The following ZNF521 variants were observed in gnomAD, a reference collection of about 807,000 sequenced individuals.
ZNF521 encodes LYST-interacting protein 3.
ZNF521 carries 14 observed loss-of-function variants against 105.5 expected under a neutral mutation model. That is an observed-to-expected ratio of 0.13 (90% CI 0.09 to 0.21). The LOEUF is 0.21. Among genes scored for constraint, ZNF521 ranks in the 10% least tolerant of loss-of-function variants. ZNF521 has a pLI of 1.00. For synonymous variants in ZNF521, 635 were observed against 606.0 expected (o/e 1.05, Z -0.70); for missense variants, 1,233 against 1,629.7 (o/e 0.76, Z 4.19).
intron 2 of ZNF521, among the ~76,000 whole-genome samples, chr18:25,342,062 T>C (rs1399764900): frequency 6.6e-6 from 1 of 152,106 alleles, no homozygotes; most frequent in African/African-American, 2.4e-5. Context: ...ACACAGCAAA[T>C]CAGAGTATGC....
At position 25,320,638 on chromosome 18, in the gene ZNF521, A is replaced by G. The variant is rs1341721210; in HGVS notation, c.220+1370T>C. 3.3e-5 allele frequency among the ~76,000 whole-genome samples: 5 copies of G among 152,244 alleles called. No individual in the cohort carries two copies. In the South Asian group the frequency reaches 8.3e-4, roughly 25 times the overall value. On this transcript the variant is annotated intron_variant, in intron 3 of 7. Transcript: ENST00000361524. ...ATAGGAGAGGGAAGAAGAGAATAAT[A>G]AAGTAAATGGAGAAAAATGTAAGCA...
intron 3 of ZNF521, among the ~76,000 whole-genome samples, chr18:25,319,266 A>C (rs1912805029): frequency 6.6e-6 from 1 of 152,212 alleles, no homozygotes; most frequent in African/African-American, 2.4e-5. Flanking sequence ...TAGGCTAACA[A>C]ATAGATAAAT....
At position 25,151,933 on chromosome 18, in the gene ZNF521, C is replaced by T. The variant is rs138709084; in HGVS notation, c.3658+43227G>A. 1.4e-4 allele frequency among the ~76,000 whole-genome samples: 22 copies of T among 152,254 alleles called. No homozygotes were observed. The East Asian group carries it at 2.7e-3, about 19-fold the overall frequency. On this transcript the variant is annotated intron_variant, in intron 5 of 7. Coordinates refer to ENST00000361524, the MANE Select transcript of ZNF521 (RefSeq NM_015461.3). ...CAAAGTCCAGTCCTTTCTTATGGAA[C>T]GGGGGTTGGCAGATCTCTTGATGCT... is the stretch of plus-strand genomic sequence containing the variant.
intron 5 of ZNF521, among the ~76,000 whole-genome samples, chr18:25,160,014 GA>G (rs944363612): frequency 3.3e-5 from 5 of 152,084 alleles, no homozygotes; most frequent in African/African-American, 1.2e-4. Context: ...AATGCTTAAG[GA>G]AATACTTTGG....
chr18:25,313,314 CT>C (rs1189817619), intron 3 of ZNF521, among the ~76,000 whole-genome samples: 1 of 151,684 alleles, frequency 6.6e-6, no homozygotes, highest in East Asian at 1.9e-4. Flanking sequence ...ATTTTGACAA[CT>C]GATTTTTAAA....
chr18:25,331,618 T>TA (rs1913570739), intron 2 of ZNF521, among the ~76,000 whole-genome samples: 1 of 152,210 alleles, frequency 6.6e-6, no homozygotes, highest in Non-Finnish European at 1.5e-5. Context: ...TACTAATACT[T>TA]ACACCAACTG....
At chr18:25,188,083 C>T (rs1455076704) in intron 5 of ZNF521, among the ~76,000 whole-genome samples, 1 of 152,110 alleles carries the variant, frequency 6.6e-6, no homozygotes, top group African/African-American at 2.4e-5. Flanking sequence ...GAAGAAATTT[C>T]ATGCTTGTCT....
At chr18:25,328,776 T>C (rs1161445294) in intron 2 of ZNF521, among the ~76,000 whole-genome samples, 1 of 152,046 alleles carries the variant, frequency 6.6e-6, no homozygotes, top group Non-Finnish European at 1.5e-5. Context: ...ATGGTCTCGA[T>C]CTTCTGACCT....
intron 5 of ZNF521, among the ~76,000 whole-genome samples, chr18:25,093,201 G>A (rs1237080823): frequency 6.6e-6 from 1 of 152,128 alleles, no homozygotes; most frequent in Non-Finnish European, 1.5e-5. Flanking sequence ...AACGCAGGCA[G>A]TCTAGATTCA....
intron 5 of ZNF521, among the ~76,000 whole-genome samples, chr18:25,187,019 A>G (rs1207336044): frequency 6.6e-6 from 1 of 152,138 alleles, no homozygotes; most frequent in Non-Finnish European, 1.5e-5. Context: ...TGTGTCTGAT[A>G]TGTACGTCTC....
chr18:25,184,050 AG>A (rs2035677850), intron 5 of ZNF521, among the ~76,000 whole-genome samples: 1 of 152,210 alleles, frequency 6.6e-6, no homozygotes, highest in Non-Finnish European at 1.5e-5. Context: ...CAGCTGATAC[AG>A]CACACATATT....
chr18:25,124,062 T>C (rs2034493432), intron 5 of ZNF521, among the ~76,000 whole-genome samples: 1 of 152,156 alleles, frequency 6.6e-6, no homozygotes, highest in Non-Finnish European at 1.5e-5. Flanking sequence ...CGTTAAGTGA[T>C]GGAACATTTA....
intron 5 of ZNF521, among the ~76,000 whole-genome samples, chr18:25,120,604 CACAA>C (rs71167849): frequency 0.19 from 25,580 of 137,916 alleles, 2,236 homozygotes; most frequent in Middle Eastern, 0.25. Flanking sequence ...AAAAAAAAAC[CACAA>C]ACAAACAAAC....
intron 5 of ZNF521, among the ~76,000 whole-genome samples, chr18:25,112,531 G>A (rs1017623708): frequency 6.6e-6 from 1 of 152,214 alleles, no homozygotes; most frequent in African/African-American, 2.4e-5. Flanking sequence ...GCACAGCTGA[G>A]ATTAAATTGT....
At chr18:25,136,766 A>C (rs1389875768) in intron 5 of ZNF521, 1 of 152,226 alleles carries the variant, frequency 6.6e-6, no homozygotes, top group African/African-American at 2.4e-5. Flanking sequence ...AAATTATTTC[A>C]TTCCATTAGA....
chr18:25,237,940 T>G (rs768091824), intron 3 of ZNF521, among the ~76,000 whole-genome samples: 18 of 152,162 alleles, frequency 1.2e-4, no homozygotes, highest in Admixed American at 6.5e-5. Flanking sequence ...ACATAAGATT[T>G]AAGACCTGTG....
intron 5 of ZNF521, among the ~76,000 whole-genome samples, chr18:25,163,842 G>C (rs187139789): frequency 8.5e-5 from 13 of 152,148 alleles, no homozygotes; most frequent in Admixed American, 6.5e-4. Context: ...TTTCCCTCGC[G>C]ACATATCAGA....
Position 25,063,403 on chromosome 18 carries a change from TC to T in ZNF521, c.3907-663del, listed in dbSNP as rs2032963384. 2.0e-5 allele frequency among the ~76,000 whole-genome samples: 3 copies of T among 152,194 alleles called. No homozygotes were observed. In the South Asian group the frequency reaches 6.2e-4, roughly 32 times the overall value. Reference sequence around the variant, plus strand: ...GCAGATTACAGTAGCCCGCCAGGTCTCCCCTTGTCCCCGGATGCTCTTTCTC... The same window carrying T: ...GCAGATTACAGTAGCCCGCCAGGTCTCCCTTGTCCCCGGATGCTCTTTCTC... On this transcript the variant is annotated intron_variant, in intron 7 of 7. Coordinates refer to ENST00000361524, the MANE Select transcript of ZNF521 (RefSeq NM_015461.3).
chr18:25,252,572 T>C (rs1040201013), intron 3 of ZNF521, among the ~76,000 whole-genome samples: 15 of 152,048 alleles, frequency 9.9e-5, no homozygotes, highest in South Asian at 4.1e-4. Context: ...TAAAATACCA[T>C]AGGCTAGGAA....
Sources: allele counts gnomAD v4.1 joint callset (sites outside exome capture counted in the v4.1 genomes callset), GRCh38; gene constraint gnomAD v4.1.1; transcripts MANE v1.5; gene names NCBI Gene and HGNC (gene_info 2026-07-23, HGNC 2026-07-21).